Variants in GRID2IP observed in about 807,000 individuals in gnomAD.
The protein encoded by GRID2IP is Grid2 interacting protein.
A neutral mutation model predicts 114.3 loss-of-function variants in GRID2IP; 78 were observed. That is an observed-to-expected ratio of 0.68 (90% CI 0.57 to 0.82). GRID2IP has a LOEUF of 0.82. Among genes scored for constraint, GRID2IP ranks in the 40% least tolerant of loss-of-function variants. The probability of loss-of-function intolerance (pLI) is 0.00; values close to 1 mark genes in which losing one functional copy is unlikely to be tolerated. For synonymous variants in GRID2IP, 809 were observed against 724.0 expected (o/e 1.12, Z -1.89); for missense variants, 1,727 against 1,678.5 (o/e 1.03, Z -0.51).
chr7:6,498,589 T>C (rs1380677631), intron 20 of GRID2IP, among the ~76,000 whole-genome samples: 3 of 146,400 alleles, frequency 2.0e-5, no homozygotes, highest in Non-Finnish European at 4.5e-5. Context: ...TTTTTTTTTT[T>C]TTTTTTTTGA....
Position 6,503,164 on chromosome 7 carries a change from C to G in GRID2IP, c.2908-1G>C. 6.7e-7 allele frequency: 1 copy of G among 1,500,450 alleles called. No homozygotes were observed. Among genetic ancestry groups the G allele is most frequent in the Middle Eastern group, 2.2e-4 (1 of 4,608 alleles). The allele number at this position is 1,500,450 out of a possible 1,614,324, so 92.9% of individuals were successfully genotyped here. On this transcript the variant is annotated splice_acceptor_variant, in intron 16 of 21. Transcript: ENST00000457091. LOFTEE classifies it high-confidence loss of function. ...TCTTGTATTCGGGAACTGACAGCAT[C>G]TGCCTCGAAGGCAGAGCCAGGATTC...
chr7:6,514,692 C>T (rs1025562818), intron 7 of GRID2IP, among the ~76,000 whole-genome samples, 163 bp from the exon 8 acceptor site: 1 of 152,150 alleles, frequency 6.6e-6, no homozygotes, highest in Non-Finnish European at 1.5e-5. Context: ...TGGCTCACGC[C>T]TGTAATCCCA....
At chr7:6,512,460 C>T (rs1486654826) in intron 8 of GRID2IP, among the ~76,000 whole-genome samples, 1 of 151,826 alleles carries the variant, frequency 6.6e-6, no homozygotes, top group Non-Finnish European at 1.5e-5. Context: ...CCCACCTCAT[C>T]CTCCCAAGTA....
chr7:6,504,997 A>G, intron 14 of GRID2IP, 127 bp from the exon 15 acceptor site: 2 of 735,948 alleles, frequency 2.7e-6, no homozygotes, highest in East Asian at 2.7e-5. Context: ...AATCAGCTAC[A>G]CGTCCATAGT....
chr7:6,500,503 TG>T (rs750549065), intron 20 of GRID2IP, among the ~76,000 whole-genome samples: 3 of 152,102 alleles, frequency 2.0e-5, no homozygotes, highest in Non-Finnish European at 4.4e-5. Flanking sequence ...GGGTGAAAGA[TG>T]GGGGTGAAAA....
intron 20 of GRID2IP, among the ~76,000 whole-genome samples, chr7:6,500,944 A>G (rs1193335892): frequency 2.0e-5 from 3 of 152,070 alleles, no homozygotes; most frequent in African/African-American, 4.8e-5. Flanking sequence ...TGTAATTTTG[A>G]CACTTAGCTC....
rs989461899 is a variant in GRID2IP at position 6,539,635 on chromosome 7, G to T, written c.584+83C>A. Reference sequence around the variant, plus strand: ...TATTATCTCCCACCTGGGCTGGAAGGGGTGCCTGGGGTGGTTGTGAGGGAA... The same window carrying T: ...TATTATCTCCCACCTGGGCTGGAAGTGGTGCCTGGGGTGGTTGTGAGGGAA... On this transcript the variant is annotated intron_variant, in intron 2 of 21. Transcript: ENST00000457091. 2.9e-5 allele frequency: 38 copies of T among 1,298,444 alleles called. No homozygotes were observed. In the African/African-American group the frequency reaches 4.5e-4, roughly 15 times the overall value. The allele number at this position is 1,298,444 out of a possible 1,614,324, so 80.4% of individuals were successfully genotyped here. A position where few individuals can be genotyped will look rare whatever the true frequency, so the allele number is the denominator to read the frequency against.
In GRID2IP at chr7:6,551,011, G is replaced by C. The variant is rs770259004; in HGVS notation, c.426C>G (p.Arg142=). The part of the protein sequence containing the change: ...ERRRKAQEFS[R]KVDEILGDQP... ...ACCTCCCACCCCCGCGCCTTACCTT[G>C]CGGCTGAACTCTTGGGCCTTGCGCC... is the stretch of plus-strand genomic sequence containing the variant. Residue 142 remains arginine, a synonymous_variant, in exon 1 of 22, where the codon CGC becomes CGG. Transcript: ENST00000457091. The C allele has an allele frequency of 9.3e-7, 1 of 1,080,874 alleles. No homozygotes were observed. The highest frequency in any genetic ancestry group is 4.1e-5 in the East Asian group (1 of 24,494). 67.0% of individuals were successfully genotyped at this position (1,080,874 alleles called of 1,614,324 possible). A position where few individuals can be genotyped will look rare whatever the true frequency, so the allele number is the denominator to read the frequency against.
In GRID2IP at chr7:6,508,311, G is replaced by A; in HGVS notation, c.2218C>T (p.Leu740=). The A allele has an allele frequency of 6.4e-7, 1 of 1,550,750 alleles. No homozygotes were observed. The highest frequency in any genetic ancestry group is 8.7e-7 in the Non-Finnish European group (1 of 1,146,948). ...TGGTCAGAGATGGAGGAGTAGGTCA[G>A]GGAGCTGCCTTCTTCACTGCTGCTG... The part of the protein sequence containing the change: ...CISSSEEGSS[L]TYSSISDHIP... Residue 740 remains leucine, a synonymous_variant, in exon 13 of 22, where the codon CTG becomes TTG. Coordinates refer to ENST00000457091, the MANE Select transcript of GRID2IP (RefSeq NM_001145118.2). This position sits in a 1 kb window ranked among gnomAD's most constrained non-coding sequence, Gnocchi z 5.6.
chr7:6,498,706 C>T (rs1264359025), intron 20 of GRID2IP, among the ~76,000 whole-genome samples: 1 of 151,508 alleles, frequency 6.6e-6, no homozygotes, highest in African/African-American at 2.4e-5. Flanking sequence ...CCCACCTCAG[C>T]CTCCCGAGCA....
rs980557259 is a variant in GRID2IP, at chr7:6,519,197, G to A, written c.1268+1381C>T. Among the ~76,000 whole-genome samples, 1 of 152,150 alleles carries A rather than the reference G, an allele frequency of 6.6e-6. No individual in the cohort carries two copies. Among genetic ancestry groups the A allele is most frequent in the African/African-American group, 2.4e-5 (1 of 41,448 alleles). On this transcript the variant is annotated intron_variant, in intron 7 of 21. Transcript: ENST00000457091. This position sits in a 1 kb window ranked among gnomAD's most constrained non-coding sequence, Gnocchi z 4.1. ...CTCCCAAAGTGCTGGGATTATAGGT[G>A]TCTGGCCTGGGTTTCTTTTTGATGT...
rs1779389787 is a variant in GRID2IP, at chr7:6,520,382, TGTCAGA to T, written c.1268+190_1268+195del. On this transcript the variant is annotated intron_variant, in intron 7 of 21. Coordinates refer to ENST00000457091, the MANE Select transcript of GRID2IP (RefSeq NM_001145118.2). This position sits in a 1 kb window ranked among gnomAD's most constrained non-coding sequence, Gnocchi z 4.6. The stretch of plus-strand genomic sequence containing the variant: ...CGCCCAAGGTCACGTGACTAGGAGG[TGTCAGA>T]GTCAGAGATTGTTCCAGGGCAGCTC... Among the ~76,000 whole-genome samples, 1 of 151,280 alleles carries T rather than the reference TGTCAGA, an allele frequency of 6.6e-6. No individual in the cohort carries two copies. Among genetic ancestry groups the T allele is most frequent in the African/African-American group, 2.4e-5 (1 of 41,098 alleles).
chr7:6,502,043 G>A lies in GRID2IP; in HGVS notation c.3226C>T (p.Pro1076Ser), dbSNP rs936699658. Residue 1076 changes from proline to serine, a missense_variant, in exon 19 of 22, where the codon CCT becomes TCT. Pro to Ser is a moderately conservative substitution (Grantham distance 74). Transcript: ENST00000457091. ...ILAKSLSQHF[P>S]ELLGFAQDLP... ...TCCTGAGCAAAGCCCAGGAGTTCAG[G>A]GAAGTGCTGGCTCAGCGATTTGGCA... The A allele has an allele frequency of 1.3e-6, 2 of 1,551,514 alleles. No individual in the cohort carries two copies. Among genetic ancestry groups the A allele is most frequent in the Non-Finnish European group, 1.7e-6 (2 of 1,146,932 alleles).
intron 14 of GRID2IP, 142 bp downstream of exon 14, chr7:6,505,678 G>C: frequency 3.2e-6 from 2 of 631,820 alleles, no homozygotes; most frequent in South Asian, 3.8e-5. Context: ...CTAAATGCCA[G>C]CTATTAAATA....
In GRID2IP at chr7:6,507,969, G is replaced by A. The variant is rs1786643080; in HGVS notation, c.2544+16C>T. 3.2e-6 allele frequency: 5 copies of A among 1,549,740 alleles called. No homozygotes were observed. In the East Asian group the frequency reaches 1.2e-4, roughly 38 times the overall value. On this transcript the variant is annotated intron_variant, in intron 13 of 21. Transcript: ENST00000457091. The surrounding 1 kb of genome is among the most constrained non-coding windows in gnomAD (Gnocchi z 5.3). ...CTCCCCCAGTACAGAGCGCTGCTGGGTCCCAGGTCACCTACCTGACCCCAG... is the reference window on the plus strand; with the variant it reads ...CTCCCCCAGTACAGAGCGCTGCTGGATCCCAGGTCACCTACCTGACCCCAG...
intron 10 of GRID2IP, 59 bp from the exon 11 acceptor site, chr7:6,510,459 G>T: frequency 1.4e-6 from 2 of 1,395,432 alleles, no homozygotes; most frequent in Non-Finnish European, 1.9e-6. Flanking sequence ...CCCTAATGTG[G>T]TCCAGGCCTG....
Position 6,521,974 on chromosome 7 carries a change from A to G in GRID2IP, c.920-17T>C. ...CTGGGCTCCCTGGAAGCAAGAAGAG[A>G]GGGTGTGCCGGTCAGCTGGGCAGGG... is the stretch of plus-strand genomic sequence containing the variant. On this transcript the variant is annotated splice_polypyrimidine_tract_variant and intron_variant, in intron 4 of 21. Transcript: ENST00000457091. The surrounding 1 kb of genome is among the most constrained non-coding windows in gnomAD (Gnocchi z 4.1). 6.5e-7 allele frequency: 1 copy of G among 1,548,898 alleles called. No individual in the cohort carries two copies. Among genetic ancestry groups the G allele is most frequent in the Non-Finnish European group, 8.7e-7 (1 of 1,144,756 alleles).
intron 7 of GRID2IP, among the ~76,000 whole-genome samples, chr7:6,515,927 T>C (rs967536550): frequency 2.6e-4 from 39 of 151,560 alleles, no homozygotes; most frequent in African/African-American, 9.2e-4. Context: ...TGAAACCCCC[T>C]CTCTACTAAA....
At chr7:6,513,194 G>A (rs1037965989) in intron 8 of GRID2IP, among the ~76,000 whole-genome samples, 1 of 151,940 alleles carries the variant, frequency 6.6e-6, no homozygotes. Flanking sequence ...TCCTGGTGGT[G>A]GTGTTGGCAT....
Sources: gnomAD v4.1 joint callset for allele counts (sites outside exome capture counted in the v4.1 genomes callset) on GRCh38, gnomAD v4.1.1 for gene constraint, Gnocchi (gnomAD v3.1) non-coding constraint, MANE v1.5 for transcripts, NCBI Gene and HGNC (gene_info 2026-07-23, HGNC 2026-07-21) for gene names.